DIPK1A: variants seen among roughly 807,000 people sequenced by gnomAD.
DIPK1A encodes the protein divergent protein kinase domain 1A, also known as family with sequence similarity 69 member A.
In DIPK1A, 27 loss-of-function variants were observed where a neutral mutation model predicts 40.8. That is an observed-to-expected ratio of 0.66 (90% CI 0.49 to 0.91). The LOEUF (loss-of-function observed/expected upper bound fraction) is 0.91, where lower values mean the gene tolerates loss of function less well. Among genes scored for constraint, DIPK1A ranks in the 40% least tolerant of loss-of-function variants. The pLI is 0.00. For synonymous variants in DIPK1A, 166 were observed against 171.3 expected, an observed-to-expected ratio of 0.97 and a Z score of 0.24; for missense variants, 412 against 505.7, an observed-to-expected ratio of 0.81 and a Z score of 1.78.
At chr1:92,864,104 G>T (rs1297400783) in intron 2 of DIPK1A, among the ~76,000 whole-genome samples, 1 of 152,016 alleles carries the variant, frequency 6.6e-6, no homozygotes, top group African/African-American at 2.4e-5. Flanking sequence ...AACCCAGTAT[G>T]TTCCAAGTAG....
At chr1:92,926,107 G>C (rs1280728039) in intron 1 of DIPK1A, among the ~76,000 whole-genome samples, 3 of 151,158 alleles carry the variant, frequency 2.0e-5, no homozygotes, top group Non-Finnish European at 4.4e-5. Context: ...TTCTTTCTTG[G>C]GTTTAATTTG....
At chr1:92,897,495 G>A (rs184485366) in intron 1 of DIPK1A, among the ~76,000 whole-genome samples, 16 of 152,128 alleles carry the variant, frequency 1.1e-4, no homozygotes, top group South Asian at 2.1e-4. Context: ...ATCACACACC[G>A]GGGCCTGTTG....
At chr1:92,951,558 G>T (rs1651634749) in intron 1 of DIPK1A, among the ~76,000 whole-genome samples, 1 of 152,096 alleles carries the variant, frequency 6.6e-6, no homozygotes, top group Non-Finnish European at 1.5e-5. Flanking sequence ...CTGAGATCAG[G>T]GTACAAACAA....
At chr1:92,870,114 A>ACG (rs61417584) in intron 2 of DIPK1A, among the ~76,000 whole-genome samples, 1 of 150,970 alleles carries the variant, frequency 6.6e-6, no homozygotes, top group African/African-American at 2.5e-5. Flanking sequence ...ACACACACAC[A>ACG]TATCTGTTGC....
chr1:92,942,125 C>T (rs1045336400), intron 1 of DIPK1A, among the ~76,000 whole-genome samples: 1 of 152,096 alleles, frequency 6.6e-6, no homozygotes, highest in African/African-American at 2.4e-5. Context: ...AAAATAGCAA[C>T]ATGATACAGT....
chr1:92,916,033 A>G (rs1650040609), intron 1 of DIPK1A, among the ~76,000 whole-genome samples: 2 of 152,208 alleles, frequency 1.3e-5, no homozygotes, highest in African/African-American at 2.4e-5. Context: ...ATACTGTATG[A>G]TTCCATTTAT....
intron 2 of DIPK1A, among the ~76,000 whole-genome samples, chr1:92,852,538 T>C (rs536434038): frequency 6.6e-6 from 1 of 152,032 alleles, no homozygotes; most frequent in South Asian, 2.1e-4. Flanking sequence ...AATGTTGCTA[T>C]GAAACAGACC....
chr1:92,885,451 G>A (rs1034399046), intron 1 of DIPK1A, among the ~76,000 whole-genome samples: 2 of 152,074 alleles, frequency 1.3e-5, no homozygotes, highest in Non-Finnish European at 2.9e-5. Flanking sequence ...CGCCTCCTAG[G>A]TTCAAGTGAT....
chr1:92,935,971 A>T lies in DIPK1A; in HGVS notation c.54+25405T>A, dbSNP rs560050943. Among the ~76,000 whole-genome samples, 11 of 152,178 alleles carry T rather than the reference A, an allele frequency of 7.2e-5. 1 individual carries two copies. The South Asian group carries it at 1.5e-3, about 20-fold the overall frequency. ...ATCTACTCTGGTGGCTGGAACAGCT[A>T]CTCAGGTGTCTGAGGTGGGATGATC... On this transcript the variant is annotated intron_variant, in intron 1 of 4. Transcript: ENST00000370310.
downstream of DIPK1A, among the ~76,000 whole-genome samples, chr1:92,839,789 CAA>C (rs1341834994): frequency 4.6e-5 from 7 of 152,138 alleles, no homozygotes; most frequent in South Asian, 2.1e-4. Context: ...TAGAGTGACT[CAA>C]GAAGTGTGGC....
At chr1:92,836,526 A>C in intron 4 of DIPK1A, 1 of 788,636 alleles carries the variant, frequency 1.3e-6, no homozygotes, top group South Asian at 1.4e-5. Context: ...ACCATGCAGG[A>C]GGAACCTAGT....
Position 92,919,710 on chromosome 1 carries a change from T to C in DIPK1A, c.54+41666A>G, listed in dbSNP as rs181870403. ...CAGTAAAAATTTATCCAGACAAGGA[T>C]GAATGAGAAGGAAGAATAAAGAAAT... On this transcript the variant is annotated intron_variant, in intron 1 of 4. Coordinates refer to ENST00000370310, the MANE Select transcript of DIPK1A (RefSeq NM_001006605.5). Among the ~76,000 whole-genome samples the C allele has an allele frequency of 2.0e-4, 30 of 152,298 alleles. 1 individual carries two copies. In the East Asian group the frequency reaches 3.5e-3, roughly 18 times the overall value.
Position 92,933,509 on chromosome 1 carries a change from G to A in DIPK1A, c.54+27867C>T, listed in dbSNP as rs536496783. ...AGGCCAGGAGTTTGAGACCAGCCTGGGCAATATAGCAAGACCCTGTTTCTT... is the reference window on the plus strand; with the variant it reads ...AGGCCAGGAGTTTGAGACCAGCCTGAGCAATATAGCAAGACCCTGTTTCTT... On this transcript the variant is annotated intron_variant, in intron 1 of 4. Coordinates refer to ENST00000370310, the MANE Select transcript of DIPK1A (RefSeq NM_001006605.5). 3.3e-5 allele frequency: 5 copies of A among 152,220 alleles called. No homozygotes were observed. The East Asian group carries it at 9.7e-4, about 29-fold the overall frequency. The allele number at this position is 152,220 out of a possible 1,614,324, so 9.4% of individuals were successfully genotyped here. A position where few individuals can be genotyped will look rare whatever the true frequency, so the allele number is the denominator to read the frequency against.
At chr1:92,929,531 G>A (rs1391282234) in intron 1 of DIPK1A, among the ~76,000 whole-genome samples, 3 of 152,280 alleles carry the variant, frequency 2.0e-5, no homozygotes, top group Admixed American at 6.5e-5. Context: ...CCTGAGCCCT[G>A]TTATCTAAGA....
At chr1:92,846,516 A>G (rs1438121151) in intron 4 of DIPK1A, 4 of 331,464 alleles carry the variant, frequency 1.2e-5, no homozygotes, top group South Asian at 4.5e-5. Context: ...ATTAATTTTC[A>G]TGTCAAACTG....
intron 2 of DIPK1A, among the ~76,000 whole-genome samples, chr1:92,865,605 A>C (rs540904361): frequency 2.2e-4 from 33 of 152,292 alleles, no homozygotes; most frequent in Admixed American, 2.2e-3. Flanking sequence ...CCTATTATCC[A>C]TCTCACTAGA....
intron 4 of DIPK1A, chr1:92,836,669 C>T: frequency 2.4e-6 from 1 of 410,358 alleles, no homozygotes; most frequent in Non-Finnish European, 4.5e-6. Context: ...TGACTTAATT[C>T]TTATTAGAAA....
chr1:92,840,833 T>G (rs745442620), downstream of DIPK1A: 1 of 707,714 alleles, frequency 1.4e-6, no homozygotes, highest in Non-Finnish European at 2.6e-6. Flanking sequence ...GAGGTGGTTC[T>G]TTCTATCCTA....
In DIPK1A at chr1:92,844,984, G is replaced by A. The variant is rs530597636; in HGVS notation, c.475-789C>T. ...TTTTGAGACGGAGTCTCGCTCTTTC[G>A]CCCAGGCTGGAGTGCAGTGGCGCGA... On this transcript the variant is annotated intron_variant, in intron 4 of 4. Coordinates refer to ENST00000370310, the MANE Select transcript of DIPK1A (RefSeq NM_001006605.5). Among the ~76,000 whole-genome samples, 21 of 111,740 alleles carry A rather than the reference G, an allele frequency of 1.9e-4. No homozygotes were observed. In the South Asian group the frequency reaches 2.3e-3, roughly 12 times the overall value. 73.3% of individuals were successfully genotyped at this position (111,740 alleles called of 152,430 possible).
Sources: gnomAD v4.1 joint callset for allele counts (sites outside exome capture counted in the v4.1 genomes callset) on GRCh38, gnomAD v4.1.1 for gene constraint, MANE v1.5 for transcripts, NCBI Gene and HGNC (gene_info 2026-07-23, HGNC 2026-07-21) for gene names.